Variants in NELL1 observed in about 807,000 individuals in gnomAD.
NELL1 encodes neural EGFL like 1, also known as protein kinase C-binding protein NELL1.
NELL1 carries 76 observed loss-of-function variants against 107.4 expected under a neutral mutation model. The observed-to-expected ratio is 0.71, with a 90% CI of 0.59 to 0.86. NELL1 has a LOEUF of 0.86. Among genes scored for constraint, NELL1 ranks in the 40% least tolerant of loss-of-function variants. NELL1 has a pLI of 0.00. For missense variants in NELL1, 1,024 were observed against 1,005.5 expected (o/e 1.02, Z -0.25); for synonymous variants, 353 against 341.2 (o/e 1.03, Z -0.38).
chr11:21,100,723 A>G (rs754058239), intron 12 of NELL1, among the ~76,000 whole-genome samples: 1 of 151,996 alleles, frequency 6.6e-6, no homozygotes, highest in Non-Finnish European at 1.5e-5. Context: ...AGGGCCCAAG[A>G]CTCTGCTATA....
At chr11:21,183,800 G>A (rs1856877310) in intron 13 of NELL1, among the ~76,000 whole-genome samples, 1 of 151,802 alleles carries the variant, frequency 6.6e-6, no homozygotes, top group Admixed American at 6.6e-5. Flanking sequence ...CAGGTGATTG[G>A]AATGTAGTGT....
intron 11 of NELL1, among the ~76,000 whole-genome samples, chr11:20,957,956 A>G (rs1190677635): frequency 2.0e-5 from 3 of 152,210 alleles, no homozygotes; most frequent in African/African-American, 7.2e-5. Context: ...CAAAGACAAA[A>G]TAGAGAAAAA....
intron 2 of NELL1, among the ~76,000 whole-genome samples, chr11:20,713,973 G>A (rs1855174190): frequency 6.6e-6 from 1 of 152,072 alleles, no homozygotes; most frequent in Admixed American, 6.5e-5. Context: ...TTGGAGGCCG[G>A]TTTTTCCCCT....
chr11:21,348,975 G>A (rs768560426), intron 14 of NELL1, among the ~76,000 whole-genome samples: 45 of 152,160 alleles, frequency 3.0e-4, no homozygotes, highest in Admixed American at 1.0e-3. Flanking sequence ...AAGTAATTAC[G>A]AAGAGCCTTC....
At chr11:20,744,476 T>TA (rs1449078396) in intron 2 of NELL1, among the ~76,000 whole-genome samples, 2 of 152,236 alleles carry the variant, frequency 1.3e-5, no homozygotes, top group African/African-American at 4.8e-5. Context: ...CTCTCTTTTA[T>TA]AGGACTGCAA....
At chr11:20,706,619 A>G (rs1308851823) in intron 2 of NELL1, among the ~76,000 whole-genome samples, 2 of 152,026 alleles carry the variant, frequency 1.3e-5, no homozygotes, top group Admixed American at 1.3e-4. Context: ...ATGTATACAT[A>G]TGTAACAAAC....
chr11:21,489,537 A>G (rs1008494373), intron 15 of NELL1, among the ~76,000 whole-genome samples: 2 of 152,062 alleles, frequency 1.3e-5, no homozygotes, highest in African/African-American at 4.8e-5. Flanking sequence ...AGATGTAAAA[A>G]TCTTCCACAG....
chr11:21,037,556 C>T (rs1450237662), intron 12 of NELL1, among the ~76,000 whole-genome samples: 1 of 152,082 alleles, frequency 6.6e-6, no homozygotes, highest in African/African-American at 2.4e-5. Flanking sequence ...TTTTTATATG[C>T]ATACATTGCA....
At chr11:21,166,291 G>T (rs1319484789) in intron 13 of NELL1, among the ~76,000 whole-genome samples, 1 of 151,632 alleles carries the variant, frequency 6.6e-6, no homozygotes, top group Middle Eastern at 3.2e-3. Context: ...GTACAAAAAA[G>T]TAGTTGGAAA....
At chr11:20,786,319 C>G (rs532771983) in intron 3 of NELL1, among the ~76,000 whole-genome samples, 1 of 148,266 alleles carries the variant, frequency 6.7e-6, no homozygotes, top group South Asian at 2.1e-4. Context: ...CATCGCACAC[C>G]AGCCTGGGCA....
intron 5 of NELL1, among the ~76,000 whole-genome samples, chr11:20,886,684 A>G (rs1404023278): frequency 6.6e-6 from 1 of 152,204 alleles, no homozygotes; most frequent in Non-Finnish European, 1.5e-5. Flanking sequence ...GGGGAACATC[A>G]TACACTGGGG....
intron 12 of NELL1, among the ~76,000 whole-genome samples, chr11:21,069,941 C>A (rs550713322): frequency 7.2e-5 from 11 of 152,134 alleles, no homozygotes; most frequent in African/African-American, 2.4e-4. Context: ...ACAGTAAGTG[C>A]GCTATAAATC....
intron 3 of NELL1, among the ~76,000 whole-genome samples, chr11:20,845,615 T>A (rs1023038655): frequency 6.6e-5 from 10 of 152,170 alleles, no homozygotes; most frequent in Non-Finnish European, 1.0e-4. Context: ...TTGGGCAAGA[T>A]ACTTAATATC....
At chr11:21,038,135 C>T (rs547020561) in intron 12 of NELL1, among the ~76,000 whole-genome samples, 1 of 152,198 alleles carries the variant, frequency 6.6e-6, no homozygotes, top group South Asian at 2.1e-4. Flanking sequence ...AAGCGAACTG[C>T]AAGCATCCAT....
intron 14 of NELL1, among the ~76,000 whole-genome samples, chr11:21,350,182 C>G (rs1342569215): frequency 6.6e-6 from 1 of 152,022 alleles, no homozygotes; most frequent in Non-Finnish European, 1.5e-5. Context: ...TTCTCTCATG[C>G]TCACTGCTTT....
At chr11:20,780,962 A>G (rs1282534231) in intron 2 of NELL1, among the ~76,000 whole-genome samples, 1 of 152,222 alleles carries the variant, frequency 6.6e-6, no homozygotes, top group East Asian at 1.9e-4. Flanking sequence ...TCCTATGAGC[A>G]ATGGGAAGCC....
chr11:20,674,460 G>A (rs557147403), intron 1 of NELL1: 16 of 1,529,236 alleles, frequency 1.0e-5, no homozygotes, highest in Middle Eastern at 1.7e-4. Flanking sequence ...TTTTACACAC[G>A]GTAACCCAAA....
At chr11:21,264,614 A>G (rs1292654956) in intron 14 of NELL1, among the ~76,000 whole-genome samples, 1 of 151,938 alleles carries the variant, frequency 6.6e-6, no homozygotes, top group Non-Finnish European at 1.5e-5. Flanking sequence ...TAACCTTACT[A>G]TAGGAATTGG....
intron 3 of NELL1, among the ~76,000 whole-genome samples, chr11:20,803,840 C>A (rs900869060): frequency 6.6e-6 from 1 of 152,098 alleles, no homozygotes; most frequent in Non-Finnish European, 1.5e-5. Context: ...ACAGTCTAAT[C>A]AGCTGCCAGC....
Sources: allele counts gnomAD v4.1 joint callset (sites outside exome capture counted in the v4.1 genomes callset), GRCh38; gene constraint gnomAD v4.1.1; transcripts MANE v1.5; gene names NCBI Gene and HGNC (gene_info 2026-07-23, HGNC 2026-07-21).